The following MPPED2 variants were observed in gnomAD, a reference collection of about 807,000 sequenced individuals.
The protein encoded by MPPED2 is metallophosphoesterase MPPED2.
A neutral mutation model predicts 33.0 loss-of-function variants in MPPED2; 5 were observed. The ratio of observed to expected loss-of-function variants is 0.15; its 90% CI spans 0.08 to 0.32. The LOEUF (loss-of-function observed/expected upper bound fraction) is 0.32. Ranked by LOEUF, MPPED2 falls within the 10% of genes least tolerant of loss-of-function variation. MPPED2 has a pLI of 1.00. For synonymous variants in MPPED2, 136 were observed against 141.9 expected, an observed-to-expected ratio of 0.96 and a Z score of 0.29; for missense variants, 275 against 372.1, an observed-to-expected ratio of 0.74 and a Z score of 2.15.
intron 4 of MPPED2, among the ~76,000 whole-genome samples, chr11:30,449,895 T>C (rs1253601041): frequency 6.6e-6 from 1 of 152,224 alleles, no homozygotes; most frequent in Admixed American, 6.5e-5. Context: ...GTTCTCACAA[T>C]TCATCTGCCC....
intron 4 of MPPED2, among the ~76,000 whole-genome samples, chr11:30,466,942 G>A (rs996324030): frequency 2.0e-5 from 3 of 152,174 alleles, no homozygotes; most frequent in Non-Finnish European, 4.4e-5. Context: ...GAATACGTGT[G>A]TGTATGTATG....
chr11:30,565,176 G>C (rs575898877), intron 2 of MPPED2, among the ~76,000 whole-genome samples: 2 of 152,202 alleles, frequency 1.3e-5, no homozygotes, highest in East Asian at 1.9e-4. Context: ...CAGCAGGCGC[G>C]CACCAGATAA....
intron 2 of MPPED2, among the ~76,000 whole-genome samples, chr11:30,553,567 C>T (rs1231520190): frequency 6.6e-6 from 1 of 152,172 alleles, no homozygotes; most frequent in Non-Finnish European, 1.5e-5. Flanking sequence ...AGCATTTTTG[C>T]ACTTCTAGGC....
chr11:30,432,332 T>C (rs1350825145), intron 4 of MPPED2, among the ~76,000 whole-genome samples: 1 of 151,958 alleles, frequency 6.6e-6, no homozygotes, highest in Non-Finnish European at 1.5e-5. Flanking sequence ...CTTGCTCTTT[T>C]CTCTTATTAC....
Position 30,541,922 on chromosome 11 carries a change from G to A in MPPED2, c.129-5747C>T, listed in dbSNP as rs150057137. On this transcript the variant is annotated intron_variant, in intron 2 of 6. Transcript: ENST00000358117. ...ACTTTATCTCTAAAAACTTTCCAATGTGATATCAAGGCTTTCCTTTTCACC... is the reference window on the plus strand; with the variant it reads ...ACTTTATCTCTAAAAACTTTCCAATATGATATCAAGGCTTTCCTTTTCACC... Among the ~76,000 whole-genome samples, 1,336 of 152,256 alleles carry A rather than the reference G, an allele frequency of 8.8e-3. 18 individuals carry two copies. The highest frequency in any genetic ancestry group is 0.029 in the African/African-American group (1,208 of 41,554).
chr11:30,440,948 G>A (rs1259271148), intron 4 of MPPED2, among the ~76,000 whole-genome samples: 1 of 152,196 alleles, frequency 6.6e-6, no homozygotes, highest in African/African-American at 2.4e-5. Flanking sequence ...ACATATATGT[G>A]AAATGCTGAG....
At chr11:30,409,971 T>G, downstream of MPPED2, 1 of 486,682 alleles carries the variant, frequency 2.1e-6, no homozygotes, top group Non-Finnish European at 2.7e-6. Flanking sequence ...CTGTAGAAAT[T>G]ACAACAGCCA....
intron 4 of MPPED2, among the ~76,000 whole-genome samples, chr11:30,427,321 A>G (rs888337450): frequency 6.6e-6 from 1 of 152,214 alleles, no homozygotes; most frequent in African/African-American, 2.4e-5. Context: ...TTCATTTACA[A>G]TGAGTGTGTG....
At chr11:30,498,420 A>G (rs907100301) in intron 3 of MPPED2, among the ~76,000 whole-genome samples, 1 of 151,964 alleles carries the variant, frequency 6.6e-6, no homozygotes, top group African/African-American at 2.4e-5. Context: ...CCCTATCTCT[A>G]CTAAAAATAC....
chr11:30,409,545 C>T (rs1948039933), downstream of MPPED2, among the ~76,000 whole-genome samples: 1 of 152,208 alleles, frequency 6.6e-6, no homozygotes, highest in Non-Finnish European at 1.5e-5. Flanking sequence ...TGGCTTAGAA[C>T]ATTCTGTCAA....
At chr11:30,402,094 T>C (rs1180381090) in intron 6 of MPPED2, among the ~76,000 whole-genome samples, 2 of 152,158 alleles carry the variant, frequency 1.3e-5, no homozygotes, top group Non-Finnish European at 2.9e-5. Flanking sequence ...AGAATGTCTC[T>C]ACTGAATTGC....
At chr11:30,532,707 A>T (rs534762766) in intron 3 of MPPED2, among the ~76,000 whole-genome samples, 1 of 152,238 alleles carries the variant, frequency 6.6e-6, no homozygotes, top group African/African-American at 2.4e-5. Context: ...CCAGTTGCTC[A>T]TAATCATTAC....
chr11:30,529,036 G>T (rs1954360703), intron 3 of MPPED2, among the ~76,000 whole-genome samples: 1 of 152,100 alleles, frequency 6.6e-6, no homozygotes, highest in Non-Finnish European at 1.5e-5. Context: ...AATAATAAAA[G>T]AATGGAAATA....
At chr11:30,507,396 C>T (rs745875179) in intron 3 of MPPED2, among the ~76,000 whole-genome samples, 13 of 152,180 alleles carry the variant, frequency 8.5e-5, no homozygotes, top group Non-Finnish European at 1.6e-4. Flanking sequence ...GAAGTGCCTA[C>T]GAAAGGGGAT....
At chr11:30,528,803 C>T (rs1954349672) in intron 3 of MPPED2, among the ~76,000 whole-genome samples, 1 of 152,056 alleles carries the variant, frequency 6.6e-6, no homozygotes, top group African/African-American at 2.4e-5. Context: ...TTTGCTGCCA[C>T]TGAGGGTACC....
chr11:30,455,526 G>A (rs1021805275), intron 4 of MPPED2, among the ~76,000 whole-genome samples: 4 of 152,196 alleles, frequency 2.6e-5, no homozygotes, highest in African/African-American at 9.6e-5. Context: ...AGCATAAAAG[G>A]TGTTTTCCAT....
chr11:30,423,272 T>A (rs1948690640), intron 4 of MPPED2, among the ~76,000 whole-genome samples: 1 of 152,204 alleles, frequency 6.6e-6, no homozygotes, highest in Non-Finnish European at 1.5e-5. Context: ...TCAGGTGGGC[T>A]ACTCAGGGTC....
At chr11:30,504,790 TCATGCATTAGGGTTTCTTC>T in intron 3 of MPPED2, 1 of 1,288,950 alleles carries the variant, frequency 7.8e-7, no homozygotes, top group Non-Finnish European at 1.0e-6. Context: ...CCTCTGAAAC[TCATGCATTAGGGTTTCTTC>T]CATGCTTGCA....
chr11:30,515,102 A>T (rs1340119710), intron 3 of MPPED2, among the ~76,000 whole-genome samples: 1 of 152,156 alleles, frequency 6.6e-6, no homozygotes, highest in African/African-American at 2.4e-5. Context: ...CTCAAAACAA[A>T]CAAACAAAAA....
Sources: gnomAD v4.1 joint callset for allele counts (sites outside exome capture counted in the v4.1 genomes callset) on GRCh38, gnomAD v4.1.1 for gene constraint, MANE v1.5 for transcripts, NCBI Gene and HGNC (gene_info 2026-07-23, HGNC 2026-07-21) for gene names.